TLL1: variants seen among roughly 807,000 people sequenced by gnomAD.
TLL1 encodes tolloid like 1.
A neutral mutation model predicts 128.2 loss-of-function variants in TLL1; 49 were observed. The observed-to-expected ratio is 0.38, with a 90% CI of 0.30 to 0.48. TLL1 has a LOEUF of 0.48. Ranked by LOEUF, TLL1 falls within the 20% of genes least tolerant of loss-of-function variation. The pLI is 0.96. For synonymous variants in TLL1, 454 were observed against 418.8 expected (o/e 1.08, Z -1.03); for missense variants, 1,123 against 1,242.0 (o/e 0.90, Z 1.44).
intron 4 of TLL1, 23 bp downstream of exon 4, chr4:165,994,556 G>A: frequency 6.2e-7 from 1 of 1,612,936 alleles, no homozygotes; most frequent in Non-Finnish European, 8.5e-7. Flanking sequence ...CAGCATGTCT[G>A]TTTTCATAAA....
At chr4:165,985,118 T>A (rs908538209) in intron 1 of TLL1, among the ~76,000 whole-genome samples, 10 of 152,032 alleles carry the variant, frequency 6.6e-5, no homozygotes, top group African/African-American at 1.9e-4. Context: ...CAATACATAC[T>A]TCCTGTTGTT....
intron 1 of TLL1, among the ~76,000 whole-genome samples, chr4:165,936,629 C>T (rs1283678957): frequency 2.0e-5 from 3 of 152,042 alleles, no homozygotes. Context: ...CGGCGTTTTA[C>T]AACACTGAAT....
rs531733293 is a variant in TLL1 at position 165,929,681 on chromosome 4, T to C, written c.169+55608T>C. Among the ~76,000 whole-genome samples, 25 of 152,338 alleles carry C rather than the reference T, an allele frequency of 1.6e-4. No homozygotes were observed. In the South Asian group the frequency reaches 4.8e-3, roughly 29 times the overall value. ...ATATAAAAAGAAGTTTTGTAGTAGATATCACTGTGACTTAAAGAAAGTTCA... is the reference window on the plus strand; with the variant it reads ...ATATAAAAAGAAGTTTTGTAGTAGACATCACTGTGACTTAAAGAAAGTTCA... On this transcript the variant is annotated intron_variant, in intron 1 of 20. Coordinates refer to ENST00000061240, the MANE Select transcript of TLL1 (RefSeq NM_012464.5).
Position 166,060,194 on chromosome 4 carries a change from T to A in TLL1, c.2007+6T>A, listed in dbSNP as rs745918933. On this transcript the variant is annotated splice_donor_region_variant and intron_variant, in intron 15 of 20. Transcript: ENST00000061240. Reference sequence around the variant, plus strand: ...TTGAATTGGAAGGCAATGAAGTAAGTGAACAATAACTGTAATTTTTTAAAT... The same window carrying A: ...TTGAATTGGAAGGCAATGAAGTAAGAGAACAATAACTGTAATTTTTTAAAT... 1 of 1,613,058 alleles carries A rather than the reference T, an allele frequency of 6.2e-7. No homozygotes were observed. The highest frequency in any genetic ancestry group is 8.5e-7 in the Non-Finnish European group (1 of 1,179,634).
At chr4:165,952,774 G>A (rs145960170) in intron 1 of TLL1, among the ~76,000 whole-genome samples, 1,921 of 151,812 alleles carry the variant, frequency 0.013, 22 homozygotes, top group South Asian at 0.02. Flanking sequence ...GTGGCTGGGG[G>A]GGTAATCAAT....
Position 166,002,456 on chromosome 4 carries a change from T to C in TLL1, c.633-935T>C, listed in dbSNP as rs567525829. Among the ~76,000 whole-genome samples the C allele has an allele frequency of 2.0e-5, 3 of 152,298 alleles. 1 individual carries two copies. The East Asian group carries it at 5.8e-4, about 29-fold the overall frequency. ...AATGTTCTTTCCTTTCTTTTTTTCT[T>C]TTTTAAGAGACAGGGTCTTACTCTG... is the stretch of plus-strand genomic sequence containing the variant. On this transcript the variant is annotated intron_variant, in intron 5 of 20. Transcript: ENST00000061240.
At chr4:166,095,037 G>T (rs1741955692) in intron 19 of TLL1, among the ~76,000 whole-genome samples, 1 of 152,120 alleles carries the variant, frequency 6.6e-6, no homozygotes. Flanking sequence ...GTCAGCATTT[G>T]CTACGTGTAT....
At chr4:165,947,592 T>A (rs1228723715) in intron 1 of TLL1, among the ~76,000 whole-genome samples, 1 of 152,108 alleles carries the variant, frequency 6.6e-6, no homozygotes. Context: ...AGGCTAACGA[T>A]ATGATTGTAT....
At chr4:165,880,817 C>G (rs1730937405) in intron 1 of TLL1, among the ~76,000 whole-genome samples, 1 of 152,194 alleles carries the variant, frequency 6.6e-6, no homozygotes. Context: ...CATTTCTCAT[C>G]TATGTTAAAC....
chr4:165,984,362 G>A (rs995057544), intron 1 of TLL1, among the ~76,000 whole-genome samples: 4 of 151,778 alleles, frequency 2.6e-5, no homozygotes, highest in African/African-American at 9.7e-5. Flanking sequence ...TCTTTTAACT[G>A]GTGTAACATT....
chr4:166,017,016 G>A (rs78940747), intron 8 of TLL1, among the ~76,000 whole-genome samples: 5,588 of 151,198 alleles, frequency 0.037, 105 homozygotes, highest in East Asian at 0.066. Flanking sequence ...GGTTTGGGCT[G>A]CGAATGAATG....
chr4:166,042,103 C>A lies in TLL1; in HGVS notation c.1338C>A (p.Ser446Arg). 6.2e-7 allele frequency: 1 copy of A among 1,612,208 alleles called. No individual in the cohort carries two copies. Among genetic ancestry groups the A allele is most frequent in the Non-Finnish European group, 8.5e-7 (1 of 1,178,570 alleles). The stretch of plus-strand genomic sequence containing the variant: ...GAATGTGGATTGAGTTTCGTAGCAG[C>A]AGTAATTGGGTAGGAAAAGGCTTTG... ...DSRMWIEFRSSSNWVGKGFAA... is the reference protein window; with the variant it reads ...DSRMWIEFRSRSNWVGKGFAA... Residue 446 changes from serine (S) to arginine (R), a missense_variant, in exon 11 of 21, where the codon AGC (serine) becomes AGA (arginine). By Grantham distance (110) the Ser-to-Arg change is moderately radical (BLOSUM62 -1). Around this residue, in one of 3 missense-constraint regions of TLL1, gnomAD observed 9 missense variants for 27.2 expected, o/e 0.33. Coordinates refer to ENST00000061240, the MANE Select transcript of TLL1 (RefSeq NM_012464.5).
chr4:165,906,957 C>T (rs1376270338), intron 1 of TLL1, among the ~76,000 whole-genome samples: 1 of 150,824 alleles, frequency 6.6e-6, no homozygotes, highest in African/African-American at 2.4e-5. Context: ...TTTTCTGCAT[C>T]ATTGTAATAG....
intron 6 of TLL1, among the ~76,000 whole-genome samples, chr4:166,005,102 A>G (rs536799287): frequency 6.6e-6 from 1 of 152,074 alleles, no homozygotes; most frequent in East Asian, 1.9e-4. Flanking sequence ...GTGAGGGGAA[A>G]TCTTCAAAAG....
intron 1 of TLL1, among the ~76,000 whole-genome samples, chr4:165,887,895 A>G (rs1226190749): frequency 6.6e-6 from 1 of 152,094 alleles, no homozygotes; most frequent in Non-Finnish European, 1.5e-5. Flanking sequence ...TTATTCATAT[A>G]TTTTTATTTT....
intron 19 of TLL1, among the ~76,000 whole-genome samples, chr4:166,097,819 T>C (rs557757608): frequency 2.0e-5 from 3 of 152,102 alleles, no homozygotes; most frequent in Non-Finnish European, 4.4e-5. Context: ...TCTTACCACA[T>C]TGGATTTCCC....
At position 165,990,728 on chromosome 4, in the gene TLL1, C is replaced by G. The variant is rs142459408; in HGVS notation, c.280+1237C>G. ...GAATAAGGATATTATTCTATATAAT[C>G]AAAATACCACTATCAGATATAAAAA... On this transcript the variant is annotated intron_variant, in intron 2 of 20. Coordinates refer to ENST00000061240, the MANE Select transcript of TLL1 (RefSeq NM_012464.5). 3.5e-3 allele frequency among the ~76,000 whole-genome samples: 527 copies of G among 151,900 alleles called. 2 individuals carry two copies. The highest frequency in any genetic ancestry group is 5.4e-3 in the Non-Finnish European group (365 of 67,888).
chr4:165,952,378 T>G, intron 1 of TLL1, among the ~76,000 whole-genome samples: 1 of 152,174 alleles, frequency 6.6e-6, no homozygotes, highest in East Asian at 1.9e-4. Context: ...TGTATTCTGG[T>G]TTTGAAGAAA....
intron 1 of TLL1, among the ~76,000 whole-genome samples, chr4:165,937,854 C>T: frequency 3.0e-5 from 2 of 66,806 alleles, no homozygotes; most frequent in African/African-American, 1.5e-4. Flanking sequence ...CCCTTCCCCA[C>T]CCCCCCCCCA....
Sources: gnomAD v4.1 joint callset for allele counts (sites outside exome capture counted in the v4.1 genomes callset) on GRCh38, gnomAD v4.1.1 for gene constraint, gnomAD v4.1.1 regional missense constraint, MANE v1.5 for transcripts, NCBI Gene and HGNC (gene_info 2026-07-23, HGNC 2026-07-21) for gene names.